DLGAP1: variants seen among roughly 807,000 people sequenced by gnomAD.
DLGAP1 encodes the protein DLG associated protein 1.
Under a neutral mutation model 90.8 loss-of-function variants are expected in DLGAP1, and 11 were observed. That is an observed-to-expected ratio of 0.12 (90% CI 0.08 to 0.20). The LOEUF is 0.20. DLGAP1 is among the 10% of genes least tolerant of loss of function. DLGAP1 has a pLI of 1.00. For synonymous variants in DLGAP1, 558 were observed against 540.7 expected, an observed-to-expected ratio of 1.03 and a Z score of -0.44; for missense variants, 1,050 against 1,333.8, an observed-to-expected ratio of 0.79 and a Z score of 3.31.
chr18:3,549,886 CTTTA>C (rs1031265501), intron 9 of DLGAP1, among the ~76,000 whole-genome samples: 2 of 151,760 alleles, frequency 1.3e-5, no homozygotes, highest in African/African-American at 2.4e-5. Context: ...GAGATAGGAC[CTTTA>C]TTTAATTAAT....
chr18:4,097,022 T>G (rs1434574543), intron 2 of DLGAP1, among the ~76,000 whole-genome samples: 1 of 152,232 alleles, frequency 6.6e-6, no homozygotes, highest in Non-Finnish European at 1.5e-5. Context: ...GGGTCTCCTC[T>G]CTCTTTCAAA....
chr18:3,502,136 C>T, intron 12 of DLGAP1: 1 of 1,082,256 alleles, frequency 9.2e-7, no homozygotes, highest in East Asian at 6.6e-5. Flanking sequence ...GGAAGTTGAA[C>T]TCTTGTTCTA....
chr18:4,313,710 T>G (rs1166683736), intron 1 of DLGAP1, among the ~76,000 whole-genome samples: 1 of 152,168 alleles, frequency 6.6e-6, no homozygotes, highest in Admixed American at 6.5e-5. Context: ...CCTTCTGAAA[T>G]GATGGTATTT....
At chr18:3,874,497 T>C in intron 4 of DLGAP1, 2 of 1,443,874 alleles carry the variant, frequency 1.4e-6, no homozygotes, top group Admixed American at 2.7e-5. Context: ...TAAAGAGGCA[T>C]AAACAGAACC....
At chr18:3,522,176 G>A (rs1449700312) in intron 10 of DLGAP1, among the ~76,000 whole-genome samples, 1 of 102,038 alleles carries the variant, frequency 9.8e-6, no homozygotes, top group East Asian at 3.2e-4. Context: ...CACGCTTGTT[G>A]CCCAGGCTGG....
At chr18:3,905,249 C>A (rs2071873099) in intron 3 of DLGAP1, among the ~76,000 whole-genome samples, 1 of 150,478 alleles carries the variant, frequency 6.6e-6, no homozygotes, top group Non-Finnish European at 1.5e-5. Flanking sequence ...TGCCTGTAGT[C>A]CCAGCTACTC....
chr18:4,125,576 T>A (rs1270219176), intron 2 of DLGAP1, among the ~76,000 whole-genome samples: 1 of 152,122 alleles, frequency 6.6e-6, no homozygotes, highest in Non-Finnish European at 1.5e-5. Flanking sequence ...GCATGAGACA[T>A]GGTCAGGGCC....
At chr18:4,126,406 G>A (rs1003695786) in intron 2 of DLGAP1, among the ~76,000 whole-genome samples, 1 of 152,080 alleles carries the variant, frequency 6.6e-6, no homozygotes, top group Admixed American at 6.6e-5. Context: ...CATCTAGCCC[G>A]AATTAACCTG....
intron 4 of DLGAP1, among the ~76,000 whole-genome samples, chr18:3,871,480 C>T (rs2070745517): frequency 6.6e-6 from 1 of 152,080 alleles, no homozygotes; most frequent in South Asian, 2.1e-4. Flanking sequence ...AGGAGTTAGA[C>T]AATCTTGCAA....
At chr18:4,421,576 G>C (rs2083031569) in intron 1 of DLGAP1, among the ~76,000 whole-genome samples, 1 of 152,088 alleles carries the variant, frequency 6.6e-6, no homozygotes, top group Admixed American at 6.5e-5. Flanking sequence ...CAGTTCACAA[G>C]ACTATGGAGT....
Position 3,499,068 on chromosome 18 carries a change from G to C in DLGAP1, c.*117C>G, listed in dbSNP as rs1229289258. 2.1e-6 allele frequency: 2 copies of C among 942,450 alleles called. No individual in the cohort carries two copies. The highest frequency in any genetic ancestry group is 3.1e-5 in the Admixed American group (1 of 32,778). 58.4% of individuals were successfully genotyped at this position (942,450 alleles called of 1,614,324 possible). On this transcript the variant is annotated 3_prime_UTR_variant, in exon 13 of 13. Coordinates refer to ENST00000315677, the MANE Select transcript of DLGAP1 (RefSeq NM_004746.4). This position sits in a 1 kb window ranked among gnomAD's most constrained non-coding sequence, Gnocchi z 6.4. Reference sequence around the variant, plus strand: ...CGAGGTGGACAACTACACCGCGACAGTGGAAGTCACCGAGCTCGGGAGCGG... The same window carrying C: ...CGAGGTGGACAACTACACCGCGACACTGGAAGTCACCGAGCTCGGGAGCGG...
intron 2 of DLGAP1, among the ~76,000 whole-genome samples, chr18:4,087,806 C>T (rs78983590): frequency 0.065 from 9,935 of 152,090 alleles, 477 homozygotes; most frequent in East Asian, 0.25. Context: ...TTACTCTTAA[C>T]CTAGTTCTTT....
chr18:4,424,331 A>T (rs1437114084), intron 1 of DLGAP1, among the ~76,000 whole-genome samples: 1 of 152,190 alleles, frequency 6.6e-6, no homozygotes, highest in African/African-American at 2.4e-5. Flanking sequence ...ACTCCTGATA[A>T]GCAACTGTGT....
At chr18:4,145,762 T>C (rs2076575826) in intron 2 of DLGAP1, among the ~76,000 whole-genome samples, 1 of 152,184 alleles carries the variant, frequency 6.6e-6, no homozygotes, top group South Asian at 2.1e-4. Flanking sequence ...TGAAATCAGT[T>C]AAAAATTGAG....
chr18:4,390,866 C>T (rs1314808593), intron 1 of DLGAP1, among the ~76,000 whole-genome samples: 4 of 152,138 alleles, frequency 2.6e-5, no homozygotes, highest in Non-Finnish European at 5.9e-5. Flanking sequence ...CTGTTTTTCA[C>T]GGTTCCTCCA....
chr18:4,343,877 A>C (rs1452640465), intron 1 of DLGAP1, among the ~76,000 whole-genome samples: 2 of 152,216 alleles, frequency 1.3e-5, no homozygotes, highest in Non-Finnish European at 2.9e-5. Flanking sequence ...CTCCTCCGGA[A>C]AGGATCAAGT....
intron 2 of DLGAP1, among the ~76,000 whole-genome samples, chr18:4,090,398 C>G (rs901554405): frequency 2.0e-5 from 3 of 152,036 alleles, no homozygotes; most frequent in African/African-American, 7.3e-5. Context: ...AACACATTTA[C>G]AAGAAAAAAA....
chr18:4,129,898 A>T (rs2076288084), intron 2 of DLGAP1, among the ~76,000 whole-genome samples: 1 of 152,212 alleles, frequency 6.6e-6, no homozygotes, highest in Admixed American at 6.5e-5. Flanking sequence ...ACATGAATGC[A>T]ACATAATCAG....
chr18:4,014,901 G>A (rs1185433372), intron 2 of DLGAP1, among the ~76,000 whole-genome samples: 1 of 152,090 alleles, frequency 6.6e-6, no homozygotes, highest in Non-Finnish European at 1.5e-5. Context: ...GCCTGGGAGA[G>A]GCTCTAAGTT....
Sources: gnomAD v4.1 joint callset for allele counts (sites outside exome capture counted in the v4.1 genomes callset) on GRCh38, gnomAD v4.1.1 for gene constraint, Gnocchi (gnomAD v3.1) non-coding constraint, MANE v1.5 for transcripts, NCBI Gene and HGNC (gene_info 2026-07-23, HGNC 2026-07-21) for gene names.